FBLN7: variants seen among roughly 807,000 people sequenced by gnomAD.
FBLN7 encodes the protein fibulin 7.
FBLN7 carries 31 observed loss-of-function variants against 44.0 expected under a neutral mutation model. The ratio of observed to expected loss-of-function variants is 0.70; its 90% CI spans 0.53 to 0.95. The LOEUF (loss-of-function observed/expected upper bound fraction) is 0.95, where lower values mean the gene tolerates loss of function less well. Ranked by LOEUF, FBLN7 falls within the 40% of genes least tolerant of loss-of-function variation. FBLN7 has a pLI of 0.00. For missense variants in FBLN7, 573 were observed against 618.5 expected (o/e 0.93, Z 0.78); for synonymous variants, 262 against 253.4 (o/e 1.03, Z -0.32).
chr2:112,142,095 T>C (rs1400120151), intron 1 of FBLN7, among the ~76,000 whole-genome samples: 2 of 152,216 alleles, frequency 1.3e-5, no homozygotes, highest in Non-Finnish European at 2.9e-5. Flanking sequence ...CACAGTCCTA[T>C]GTGGCCAGGG....
rs778946843 is a variant in FBLN7 at position 112,165,060 on chromosome 2, G to A, written c.295G>A (p.Val99Met). The change falls in exon 3 of 8, where the codon GTG (valine) becomes ATG (methionine). Residue 99 changes from valine to methionine, a missense_variant. Physicochemically the swap from Val to Met is conservative, Grantham distance 21 (BLOSUM62 1). Transcript: ENST00000331203. The stretch of plus-strand genomic sequence containing the variant: ...CAGAAAGTTTGGAAGCAAGTACTTA[G>A]TGGATCACGAAGTCCATTTTACCTG... ...DGRKFGSKYL[V>M]DHEVHFTCNP... 2.5e-6 allele frequency: 4 copies of A among 1,614,182 alleles called. No individual in the cohort carries two copies. The Admixed American group carries it at 5.0e-5, about 20-fold the overall frequency.
chr2:112,185,455 A>G (rs1384984184), intron 7 of FBLN7, 116 bp downstream of exon 7: 1 of 1,389,580 alleles, frequency 7.2e-7, no homozygotes, highest in African/African-American at 1.4e-5. Flanking sequence ...GATGAGAGGC[A>G]GGAGGCTGGG....
intron 1 of FBLN7, among the ~76,000 whole-genome samples, chr2:112,156,526 C>T (rs1681436630): frequency 6.6e-6 from 1 of 152,208 alleles, no homozygotes; most frequent in Non-Finnish European, 1.5e-5. Flanking sequence ...GCAGAGCCCC[C>T]CTTTTTTAAG....
At chr2:112,186,640 AAAAT>A (rs890569056) in intron 7 of FBLN7, among the ~76,000 whole-genome samples, 2 of 152,086 alleles carry the variant, frequency 1.3e-5, no homozygotes, top group African/African-American at 4.8e-5. Context: ...ACTCTGTCTA[AAAAT>A]AAATAAATAA....
downstream of FBLN7, chr2:112,189,250 G>C (rs918131997): frequency 6.6e-6 from 1 of 152,218 alleles, no homozygotes; most frequent in Non-Finnish European, 1.5e-5. Context: ...AAACAGCCCA[G>C]TTTAAAGCAA....
the FBLN7 span, among the ~76,000 whole-genome samples, chr2:112,201,226 A>G: frequency 6.6e-6 from 1 of 152,162 alleles, no homozygotes; most frequent in Non-Finnish European, 1.5e-5. Context: ...CTCTTTACAA[A>G]TCCTGTGATT....
At chr2:112,236,415 C>T in the FBLN7 span, 1 of 1,009,532 alleles carries the variant, frequency 9.9e-7, no homozygotes, top group Non-Finnish European at 1.4e-6. Context: ...AACCCAGTGA[C>T]AGTAAAAGGA....
At chr2:112,190,545 T>A (rs970948159), downstream of FBLN7, 1 of 152,206 alleles carries the variant, frequency 6.6e-6, no homozygotes, top group African/African-American at 2.4e-5. Context: ...TTGAGTACAT[T>A]ATGAACTCAT....
At chr2:112,172,856 A>C (rs543353329) in intron 3 of FBLN7, among the ~76,000 whole-genome samples, 1 of 150,654 alleles carries the variant, frequency 6.6e-6, no homozygotes, top group Admixed American at 6.6e-5. Flanking sequence ...CTGGTCTTGA[A>C]CTCCTGGCCT....
the FBLN7 span, among the ~76,000 whole-genome samples, chr2:112,218,242 T>C: frequency 7.2e-5 from 11 of 152,240 alleles, no homozygotes; most frequent in Non-Finnish European, 1.2e-4. Context: ...TAATTGTTAC[T>C]GCTTCATCAA....
intron 2 of FBLN7, among the ~76,000 whole-genome samples, chr2:112,164,648 C>A (rs1682045930): frequency 6.6e-6 from 1 of 152,140 alleles, no homozygotes. Flanking sequence ...GTTCAGGAGA[C>A]CTAAAGAAAC....
the FBLN7 span, among the ~76,000 whole-genome samples, chr2:112,221,508 C>T: frequency 1.3e-5 from 2 of 152,144 alleles, no homozygotes; most frequent in African/African-American, 4.8e-5. Flanking sequence ...TTATAAATTA[C>T]CCAGTCTAAG....
the FBLN7 span, among the ~76,000 whole-genome samples, chr2:112,197,274 C>CACAGAG: frequency 1.4e-3 from 141 of 98,638 alleles, no homozygotes; most frequent in Non-Finnish European, 2.0e-3. Context: ...CACACACACA[C>CACAGAG]AGAGAGAGAG....
At chr2:112,157,199 G>A (rs997978985) in intron 1 of FBLN7, among the ~76,000 whole-genome samples, 3 of 151,958 alleles carry the variant, frequency 2.0e-5, no homozygotes, top group African/African-American at 4.8e-5. Flanking sequence ...GCGAAGCCCC[G>A]TCTCTACTAA....
At chr2:112,197,215 A>G in the FBLN7 span, among the ~76,000 whole-genome samples, 1 of 144,228 alleles carries the variant, frequency 6.9e-6, no homozygotes, top group Admixed American at 7.0e-5. Context: ...TCATACAATG[A>G]CTGGCATCCG....
downstream of FBLN7, chr2:112,188,829 T>C (rs1683386961): frequency 6.6e-6 from 1 of 152,220 alleles, no homozygotes; most frequent in Non-Finnish European, 1.5e-5. Flanking sequence ...GAAATGTTTC[T>C]TCTCCCATGG....
chr2:112,234,079 G>C, the FBLN7 span: 1 of 1,174,576 alleles, frequency 8.5e-7, no homozygotes, highest in Non-Finnish European at 1.2e-6. Context: ...AGAAAGAGCA[G>C]TTTTACATTT....
At chr2:112,241,150 A>G in the FBLN7 span, among the ~76,000 whole-genome samples, 1 of 152,084 alleles carries the variant, frequency 6.6e-6, no homozygotes, top group Non-Finnish European at 1.5e-5. Context: ...TATAAATGAG[A>G]ATGAATTAAA....
At chr2:112,166,211 CAGCTA>C (rs1451635150) in intron 3 of FBLN7, among the ~76,000 whole-genome samples, 1 of 152,168 alleles carries the variant, frequency 6.6e-6, no homozygotes, top group Non-Finnish European at 1.5e-5. Context: ...CCACCACGTT[CAGCTA>C]ACTTTCGTAT....
Sources: gnomAD v4.1 joint callset for allele counts (sites outside exome capture counted in the v4.1 genomes callset) on GRCh38, gnomAD v4.1.1 for gene constraint, MANE v1.5 for transcripts, NCBI Gene and HGNC (gene_info 2026-07-23, HGNC 2026-07-21) for gene names.